Variants in RBM6 observed in about 807,000 individuals in gnomAD.
The protein encoded by RBM6 is RNA-binding protein 6.
A neutral mutation model predicts 140.4 loss-of-function variants in RBM6; 23 were observed. That is an observed-to-expected ratio of 0.16 (90% CI 0.12 to 0.23). RBM6 has a LOEUF of 0.23. Among genes scored for constraint, RBM6 ranks in the 10% least tolerant of loss-of-function variants. The pLI is 1.00. For synonymous variants in RBM6, 439 were observed against 475.6 expected (o/e 0.92, Z 1.00); for missense variants, 1,139 against 1,386.7 (o/e 0.82, Z 2.84).
rs1308811596 is a variant in RBM6 at position 49,982,060 on chromosome 3, G to A, written c.1483+6668G>A. ...AGGATTACTAAGGTGGTGTTAGTAG[G>A]AAGAAGCAATATCTTGCTTTAGCCC... is the stretch of plus-strand genomic sequence containing the variant. On this transcript the variant is annotated intron_variant, in intron 5 of 20. Coordinates refer to ENST00000266022, the MANE Select transcript of RBM6 (RefSeq NM_005777.3). Among the ~76,000 whole-genome samples the A allele has an allele frequency of 2.0e-5, 3 of 152,258 alleles. No individual in the cohort carries two copies. The South Asian group carries it at 6.2e-4, about 32-fold the overall frequency.
chr3:50,067,680 A>G (rs1365241346), intron 17 of RBM6, among the ~76,000 whole-genome samples: 1 of 152,226 alleles, frequency 6.6e-6, no homozygotes, highest in Non-Finnish European at 1.5e-5. Context: ...TCCCATTTAT[A>G]TGAACTGACC....
At chr3:49,954,203 GAC>G in intron 1 of RBM6, among the ~76,000 whole-genome samples, 1 of 151,906 alleles carries the variant, frequency 6.6e-6, no homozygotes, top group Non-Finnish European at 1.5e-5. Flanking sequence ...ACTTTGGGAG[GAC>G]CAGGCGGGCG....
At chr3:50,066,652 A>C in intron 17 of RBM6, 150 bp downstream of exon 17, 1 of 1,035,892 alleles carries the variant, frequency 9.7e-7, no homozygotes, top group Non-Finnish European at 1.4e-6. Flanking sequence ...ACATGGTGAA[A>C]CCCCCTTTGT....
At chr3:50,018,196 A>G (rs554847149) in intron 6 of RBM6, among the ~76,000 whole-genome samples, 1 of 152,180 alleles carries the variant, frequency 6.6e-6, no homozygotes, top group Non-Finnish European at 1.5e-5. Flanking sequence ...TCCTCTTGCA[A>G]ACCCCTGCAA....
chr3:50,044,876 C>T (rs1452366005), intron 6 of RBM6, among the ~76,000 whole-genome samples: 2 of 152,034 alleles, frequency 1.3e-5, no homozygotes, highest in Admixed American at 6.6e-5. Context: ...CTATATTGAC[C>T]CTTTTTGGTT....
At chr3:49,943,084 T>G (rs1487234762) in intron 1 of RBM6, among the ~76,000 whole-genome samples, 1 of 152,204 alleles carries the variant, frequency 6.6e-6, no homozygotes, top group African/African-American at 2.4e-5. Context: ...CAGAATTTCA[T>G]TCCTTTTTAA....
chr3:49,985,493 T>C (rs9853222), intron 5 of RBM6, among the ~76,000 whole-genome samples: 78,856 of 152,020 alleles, frequency 0.52, 21,778 homozygotes, highest in African/African-American at 0.68. Context: ...CTTAGGTCTT[T>C]TGTCTGATTT....
At chr3:50,054,007 G>A (rs909123019) in intron 7 of RBM6, 3 of 207,254 alleles carry the variant, frequency 1.4e-5, no homozygotes, top group African/African-American at 2.3e-5. Context: ...GGTGCAGACT[G>A]TAAATGGCTT....
At chr3:50,008,304 T>C (rs1480849249) in intron 6 of RBM6, among the ~76,000 whole-genome samples, 1 of 152,242 alleles carries the variant, frequency 6.6e-6, no homozygotes, top group African/African-American at 2.4e-5. Flanking sequence ...ATGGTTTATT[T>C]CTATGGATTA....
chr3:50,076,731 C>CA (rs1490025503), intron 20 of RBM6, among the ~76,000 whole-genome samples: 2 of 151,754 alleles, frequency 1.3e-5, no homozygotes, highest in African/African-American at 2.4e-5. Context: ...ACTAAAAATA[C>CA]AAAAATTAGC....
chr3:50,010,900 C>CAAAA lies in RBM6; in HGVS notation c.1557+11408_1557+11411dup, dbSNP rs776065398. ...CCTGGGCGACAGAGCAAGACTGTCTCAAAAAAAAAAAAAAAAAAAAAAAAG... is the reference window on the plus strand; with the variant it reads ...CCTGGGCGACAGAGCAAGACTGTCTCAAAAAAAAAAAAAAAAAAAAAAAAAAAAG... On this transcript the variant is annotated intron_variant, in intron 6 of 20. Coordinates refer to ENST00000266022, the MANE Select transcript of RBM6 (RefSeq NM_005777.3). Among the ~76,000 whole-genome samples, 428 of 51,856 alleles carry CAAAA rather than the reference C, an allele frequency of 8.3e-3. 27 individuals are homozygous for CAAAA. The highest frequency in any genetic ancestry group is 0.02 in the African/African-American group (237 of 11,724). The allele number at this position is 51,856 out of a possible 152,430, so 34.0% of individuals were successfully genotyped here. A position where few individuals can be genotyped will look rare whatever the true frequency, so the allele number is the denominator to read the frequency against.
intron 14 of RBM6, 90 bp from the exon 15 acceptor site, chr3:50,061,872 T>C: frequency 1.3e-6 from 2 of 1,493,730 alleles, no homozygotes; most frequent in African/African-American, 2.8e-5. Context: ...AGTTGTTTCT[T>C]CCCCTAAAAG....
chr3:49,971,267 G>GA (rs796468371), intron 3 of RBM6, among the ~76,000 whole-genome samples: 1,269 of 91,514 alleles, frequency 0.014, 15 homozygotes, highest in African/African-American at 0.036. Context: ...AACTCCATCT[G>GA]AAAAAAAAAA....
chr3:49,988,005 C>T (rs559461086), intron 5 of RBM6, among the ~76,000 whole-genome samples: 1 of 152,242 alleles, frequency 6.6e-6, no homozygotes, highest in East Asian at 1.9e-4. Flanking sequence ...AACCTGATTT[C>T]CAAGCCATCT....
intron 6 of RBM6, among the ~76,000 whole-genome samples, chr3:50,046,793 A>G (rs1360156179): frequency 3.9e-5 from 6 of 152,166 alleles, no homozygotes; most frequent in Admixed American, 3.9e-4. Flanking sequence ...CAAAAGGAAA[A>G]AGAAAAATGA....
chr3:49,979,249 G>T (rs2085194828), intron 5 of RBM6, among the ~76,000 whole-genome samples: 1 of 152,106 alleles, frequency 6.6e-6, no homozygotes, highest in African/African-American at 2.4e-5. Context: ...AAAGCAGATT[G>T]GTGGTTGCCA....
intron 10 of RBM6, chr3:50,058,778 T>G (rs1053363574): frequency 2.9e-6 from 1 of 341,148 alleles, no homozygotes; most frequent in East Asian, 5.4e-5. Flanking sequence ...TAGCTGGGCG[T>G]GGTGGCAGGC....
chr3:49,978,935 TA>T (rs1185987642), intron 5 of RBM6, among the ~76,000 whole-genome samples: 1 of 152,106 alleles, frequency 6.6e-6, no homozygotes, highest in Non-Finnish European at 1.5e-5. Flanking sequence ...GTACCAGGAG[TA>T]AAATGTCTTT....
intron 6 of RBM6, among the ~76,000 whole-genome samples, chr3:50,026,901 C>CAAAAAAAAAAAA: frequency 8.4e-6 from 1 of 119,550 alleles, no homozygotes; most frequent in Non-Finnish European, 1.8e-5. Flanking sequence ...CTTGTCTCAC[C>CAAAAAAAAAAAA]AAAAAAAAAA....
Sources: gnomAD v4.1 joint callset for allele counts (sites outside exome capture counted in the v4.1 genomes callset) on GRCh38, gnomAD v4.1.1 for gene constraint, MANE v1.5 for transcripts, NCBI Gene and HGNC (gene_info 2026-07-23, HGNC 2026-07-21) for gene names.